The following PSKH1 variants were observed in gnomAD, a reference collection of about 807,000 sequenced individuals.
PSKH1 encodes serine/threonine-protein kinase H1.
PSKH1 carries 12 observed loss-of-function variants against 26.7 expected under a neutral mutation model. That is an observed-to-expected ratio of 0.45 (90% CI 0.29 to 0.73). The LOEUF is 0.73. Ranked by LOEUF, PSKH1 falls within the 30% of genes least tolerant of loss-of-function variation. The pLI is 0.11. For synonymous variants in PSKH1, 213 were observed against 234.3 expected, an observed-to-expected ratio of 0.91 and a Z score of 0.83; for missense variants, 431 against 595.2, an observed-to-expected ratio of 0.72 and a Z score of 2.87.
At chr16:67,923,345 A>T (rs1309905429) in intron 2 of PSKH1, among the ~76,000 whole-genome samples, 1 of 152,160 alleles carries the variant, frequency 6.6e-6, no homozygotes, top group African/African-American at 2.4e-5. Flanking sequence ...AGCCAGCTTG[A>T]TGGTCAGAAT....
At chr16:67,919,106 A>G (rs2058195179) in intron 2 of PSKH1, among the ~76,000 whole-genome samples, 1 of 152,094 alleles carries the variant, frequency 6.6e-6, no homozygotes, top group Admixed American at 6.5e-5. Context: ...CTCATCCCAG[A>G]GTCATGGGGA....
chr16:67,903,828 G>T (rs2058148278), intron 1 of PSKH1, among the ~76,000 whole-genome samples: 1 of 150,282 alleles, frequency 6.7e-6, no homozygotes, highest in Admixed American at 6.7e-5. Flanking sequence ...CCACTGCTTG[G>T]GGCACTACAC....
chr16:67,913,541 G>A (rs910771546), intron 2 of PSKH1, among the ~76,000 whole-genome samples: 3 of 152,182 alleles, frequency 2.0e-5, no homozygotes, highest in Non-Finnish European at 2.9e-5. Flanking sequence ...GCTGGCAGGA[G>A]CTTGAAGGAG....
intron 1 of PSKH1, among the ~76,000 whole-genome samples, chr16:67,899,052 A>G (rs1182172606): frequency 6.6e-6 from 1 of 152,186 alleles, no homozygotes; most frequent in Non-Finnish European, 1.5e-5. Context: ...CCCTGCCTCT[A>G]TGGATAGGAA....
chr16:67,910,390 C>T (rs573358775), intron 2 of PSKH1, among the ~76,000 whole-genome samples: 1 of 152,354 alleles, frequency 6.6e-6, no homozygotes, highest in South Asian at 2.1e-4. Flanking sequence ...TGAACATGCC[C>T]ATCTCAGAGA....
At chr16:67,923,192 G>C (rs769003022) in intron 2 of PSKH1, among the ~76,000 whole-genome samples, 3 of 152,192 alleles carry the variant, frequency 2.0e-5, no homozygotes, top group African/African-American at 2.4e-5. Flanking sequence ...GATGAGGAAG[G>C]CTAGTTGGTA....
chr16:67,914,664 G>A (rs1444076289), intron 2 of PSKH1, among the ~76,000 whole-genome samples: 2 of 152,206 alleles, frequency 1.3e-5, no homozygotes, highest in East Asian at 3.9e-4. Context: ...ATATTGGCTA[G>A]GCTGATCTTA....
chr16:67,897,452 C>T (rs908916055), intron 1 of PSKH1, among the ~76,000 whole-genome samples: 3 of 152,104 alleles, frequency 2.0e-5, no homozygotes, highest in African/African-American at 7.2e-5. Context: ...AGAAAGTTTT[C>T]TTTCCAAGCT....
At chr16:67,925,471 C>A (rs2058213430) in intron 2 of PSKH1, among the ~76,000 whole-genome samples, 1 of 152,120 alleles carries the variant, frequency 6.6e-6, no homozygotes, top group South Asian at 2.1e-4. Context: ...GGATTACAGG[C>A]ATGAGCCACC....
chr16:67,913,460 T>TA (rs930453162), intron 2 of PSKH1, among the ~76,000 whole-genome samples: 11 of 151,910 alleles, frequency 7.2e-5, no homozygotes, highest in African/African-American at 1.9e-4. Context: ...GACCCTGTCT[T>TA]AAAAAAAATT....
intron 2 of PSKH1, among the ~76,000 whole-genome samples, chr16:67,923,575 C>T (rs2058208859): frequency 6.6e-6 from 1 of 152,188 alleles, no homozygotes; most frequent in Non-Finnish European, 1.5e-5. Flanking sequence ...AGAGTCTGGG[C>T]GTAGAGCCAG....
chr16:67,893,544 C>T (rs368222943), intron 1 of PSKH1, among the ~76,000 whole-genome samples, 173 bp downstream of exon 1: 7 of 152,368 alleles, frequency 4.6e-5, no homozygotes, highest in East Asian at 1.9e-4. Context: ...GATGGCTGCT[C>T]GGGTTCCCGG....
At chr16:67,913,642 C>T (rs931408494) in intron 2 of PSKH1, among the ~76,000 whole-genome samples, 4 of 152,208 alleles carry the variant, frequency 2.6e-5, no homozygotes, top group Non-Finnish European at 5.9e-5. Flanking sequence ...GATGTCTGTC[C>T]TCACCTCCAT....
At chr16:67,897,941 G>A (rs1197114976) in intron 1 of PSKH1, among the ~76,000 whole-genome samples, 4 of 152,026 alleles carry the variant, frequency 2.6e-5, no homozygotes, top group Admixed American at 1.3e-4. Flanking sequence ...TCTGCCTTCC[G>A]GGTTCATGCC....
At chr16:67,912,021 T>A (rs1371276435) in intron 2 of PSKH1, among the ~76,000 whole-genome samples, 1 of 152,156 alleles carries the variant, frequency 6.6e-6, no homozygotes, top group Non-Finnish European at 1.5e-5. Flanking sequence ...TCTGTGGGCC[T>A]AGGGGTGAAG....
chr16:67,927,536 A>G lies in PSKH1; in HGVS notation c.1169A>G (p.Gln390Arg). ...SSRCQSTKSAQSTRSSRSTRS... is the reference protein window; with the variant it reads ...SSRCQSTKSARSTRSSRSTRS... ...CGCTGCCAGAGCACCAAATCTGCCCAGTCCACGCGTTCCAGCCGCTCCACA... is the reference window on the plus strand; with the variant it reads ...CGCTGCCAGAGCACCAAATCTGCCCGGTCCACGCGTTCCAGCCGCTCCACA... The change falls in exon 3 of 3, where the codon CAG (glutamine) becomes CGG (arginine). Residue 390 changes from glutamine (Q) to arginine (R), a missense_variant. Coordinates refer to ENST00000291041, the MANE Select transcript of PSKH1 (RefSeq NM_006742.3). The surrounding 1 kb of genome is among the most constrained non-coding windows in gnomAD (Gnocchi z 5.5). 1 of 1,614,012 alleles carries G rather than the reference A, an allele frequency of 6.2e-7. No homozygotes were observed. Among genetic ancestry groups the G allele is most frequent in the South Asian group, 1.1e-5 (1 of 91,092 alleles).
chr16:67,903,930 G>A, intron 1 of PSKH1, among the ~76,000 whole-genome samples: 1 of 147,378 alleles, frequency 6.8e-6, no homozygotes, highest in South Asian at 2.1e-4. Flanking sequence ...GCTCACTGCA[G>A]CCTTGATCTC....
intron 1 of PSKH1, among the ~76,000 whole-genome samples, chr16:67,899,331 ATTT>A (rs555492519): frequency 3.1e-5 from 4 of 128,258 alleles, no homozygotes; most frequent in East Asian, 2.2e-4. Flanking sequence ...GCCAGACCAC[ATTT>A]TTTTTTTTTT....
Position 67,918,631 on chromosome 16 carries a change from G to A in PSKH1, c.958-8694G>A, listed in dbSNP as rs1362020298. ...TTTTGAGATGGAGTCTTACTCTGTC[G>A]CCCAGGCTGGAGTGCAGTGGTGTGA... On this transcript the variant is annotated intron_variant, in intron 2 of 2. Transcript: ENST00000291041. Among the ~76,000 whole-genome samples the A allele has an allele frequency of 4.1e-5, 6 of 146,920 alleles. No individual in the cohort carries two copies. In the South Asian group the frequency reaches 8.7e-4, roughly 21 times the overall value.
Sources: gnomAD v4.1 joint callset for allele counts (sites outside exome capture counted in the v4.1 genomes callset) on GRCh38, gnomAD v4.1.1 for gene constraint, Gnocchi (gnomAD v3.1) non-coding constraint, MANE v1.5 for transcripts, NCBI Gene and HGNC (gene_info 2026-07-23, HGNC 2026-07-21) for gene names.